The following ESRRG variants were observed in gnomAD, a reference collection of about 807,000 sequenced individuals.
ESRRG encodes the protein estrogen related receptor gamma.
A neutral mutation model predicts 44.0 loss-of-function variants in ESRRG; 13 were observed. The observed-to-expected ratio is 0.30, with a 90% CI of 0.19 to 0.47. The LOEUF (loss-of-function observed/expected upper bound fraction) is 0.47, where lower values mean the gene tolerates loss of function less well. Among genes scored for constraint, ESRRG ranks in the 20% least tolerant of loss-of-function variants. The pLI, the probability that ESRRG is intolerant of heterozygous loss-of-function variation, is 1.00. For missense variants in ESRRG, 395 were observed against 580.6 expected (o/e 0.68, Z 3.29); for synonymous variants, 215 against 214.6 (o/e 1.00, Z -0.02).
intron 3 of ESRRG, among the ~76,000 whole-genome samples, chr1:216,589,304 A>G (rs72737323): frequency 0.15 from 22,597 of 152,154 alleles, 2,177 homozygotes; most frequent in Non-Finnish European, 0.21. Flanking sequence ...GTGGCTGAGG[A>G]CAGCTTTGAA....
At chr1:217,072,139 A>C (rs1283815615) in intron 1 of ESRRG, among the ~76,000 whole-genome samples, 1 of 152,186 alleles carries the variant, frequency 6.6e-6, no homozygotes. Flanking sequence ...TCCAAGCTAA[A>C]GCTCTGGAAT....
chr1:216,809,848 G>A (rs1282937489), intron 2 of ESRRG, among the ~76,000 whole-genome samples: 4 of 152,142 alleles, frequency 2.6e-5, no homozygotes, highest in African/African-American at 9.7e-5. Flanking sequence ...GCACATTCTT[G>A]AAATGGCAGT....
intron 1 of ESRRG, among the ~76,000 whole-genome samples, chr1:217,115,226 A>G (rs1221922326): frequency 6.6e-6 from 1 of 152,206 alleles, no homozygotes; most frequent in African/African-American, 2.4e-5. Flanking sequence ...CCCAGACTGA[A>G]TAACTTGGGG....
intron 1 of ESRRG, among the ~76,000 whole-genome samples, chr1:216,692,839 A>T (rs1220644975): frequency 6.6e-6 from 1 of 152,234 alleles, no homozygotes; most frequent in Non-Finnish European, 1.5e-5. Flanking sequence ...CAGCACAGAA[A>T]CATGCTGTAC....
intron 1 of ESRRG, among the ~76,000 whole-genome samples, chr1:216,974,862 C>G (rs2072524964): frequency 6.6e-6 from 1 of 151,658 alleles, no homozygotes; most frequent in South Asian, 2.1e-4. Context: ...CTGGGTTACA[C>G]TTCCTTTTGT....
chr1:216,885,548 ATT>A (rs35507835), intron 2 of ESRRG, among the ~76,000 whole-genome samples: 2 of 143,716 alleles, frequency 1.4e-5, no homozygotes, highest in Non-Finnish European at 3.1e-5. Flanking sequence ...TTCTCCCACT[ATT>A]TTTTTTTTAA....
intron 1 of ESRRG, among the ~76,000 whole-genome samples, chr1:217,115,115 A>T (rs1032856671): frequency 1.3e-5 from 2 of 152,168 alleles, no homozygotes; most frequent in Non-Finnish European, 2.9e-5. Flanking sequence ...TCCTTCTCTC[A>T]TCTTTTAGGG....
intron 3 of ESRRG, among the ~76,000 whole-genome samples, chr1:216,617,389 A>G (rs1271505626): frequency 6.6e-6 from 1 of 152,090 alleles, no homozygotes; most frequent in African/African-American, 2.4e-5. Flanking sequence ...CCTGTGCCTA[A>G]TGTCTACATA....
chr1:216,930,326 C>A (rs1203487091), intron 2 of ESRRG, among the ~76,000 whole-genome samples: 1 of 152,120 alleles, frequency 6.6e-6, no homozygotes, highest in Non-Finnish European at 1.5e-5. Context: ...TTCAACTTTG[C>A]CCTCCCCCAT....
intron 2 of ESRRG, among the ~76,000 whole-genome samples, chr1:216,821,361 T>G (rs982389940): frequency 5.3e-5 from 8 of 151,858 alleles, no homozygotes; most frequent in African/African-American, 1.9e-4. Context: ...ATTGTGGGGG[T>G]TTATTTGTGG....
intron 6 of ESRRG, among the ~76,000 whole-genome samples, chr1:216,510,821 C>T (rs1172505954): frequency 6.6e-6 from 1 of 152,072 alleles, no homozygotes; most frequent in Non-Finnish European, 1.5e-5. Context: ...TGGCAGTGAG[C>T]TGAGATCGCG....
chr1:216,670,784 A>G (rs2075019774), intron 2 of ESRRG, among the ~76,000 whole-genome samples: 1 of 152,106 alleles, frequency 6.6e-6, no homozygotes, highest in South Asian at 2.1e-4. Context: ...TGTCCACACT[A>G]TGTACAAGAT....
intron 1 of ESRRG, among the ~76,000 whole-genome samples, chr1:216,709,323 ATGTG>A (rs2083105539): frequency 9.3e-6 from 1 of 107,034 alleles, no homozygotes; most frequent in African/African-American, 3.5e-5. Flanking sequence ...ACAGATATAT[ATGTG>A]TATGTGTGTG....
intron 2 of ESRRG, among the ~76,000 whole-genome samples, chr1:216,830,711 G>A (rs2148734348): frequency 6.6e-6 from 1 of 152,150 alleles, no homozygotes. Context: ...AGTGTGACAG[G>A]AGGGGAGGCT....
intron 2 of ESRRG, among the ~76,000 whole-genome samples, chr1:216,729,420 A>T (rs2088247256): frequency 6.6e-6 from 1 of 152,206 alleles, no homozygotes; most frequent in South Asian, 2.1e-4. Flanking sequence ...CTGAACAGAG[A>T]GATGCAAGAG....
chr1:216,995,715 T>G (rs1220567687), intron 1 of ESRRG, among the ~76,000 whole-genome samples: 3 of 152,220 alleles, frequency 2.0e-5, no homozygotes, highest in African/African-American at 7.2e-5. Flanking sequence ...TGAATCTTAT[T>G]CACTGTCAAG....
At chr1:217,117,727 G>T (rs1278759434) in intron 1 of ESRRG, among the ~76,000 whole-genome samples, 1 of 151,932 alleles carries the variant, frequency 6.6e-6, no homozygotes, top group Non-Finnish European at 1.5e-5. Context: ...GTTCAACCTG[G>T]TAATTTTCTT....
intron 1 of ESRRG, among the ~76,000 whole-genome samples, chr1:216,684,378 A>C (rs2077554562): frequency 6.6e-6 from 1 of 152,230 alleles, no homozygotes; most frequent in African/African-American, 2.4e-5. Context: ...AGAGGCGCTT[A>C]GTAGTGCAAC....
At chr1:216,625,194 T>C (rs2062963769) in intron 3 of ESRRG, among the ~76,000 whole-genome samples, 1 of 152,126 alleles carries the variant, frequency 6.6e-6, no homozygotes, top group African/African-American at 2.4e-5. Flanking sequence ...AGGATTAGTA[T>C]TCATGAAATA....
Sources: allele counts gnomAD v4.1 joint callset (sites outside exome capture counted in the v4.1 genomes callset), GRCh38; gene constraint gnomAD v4.1.1; transcripts MANE v1.5; gene names NCBI Gene and HGNC (gene_info 2026-07-23, HGNC 2026-07-21).